Variants in DSCAM observed in about 807,000 individuals in gnomAD.
DSCAM encodes DS cell adhesion molecule.
In DSCAM, 47 loss-of-function variants were observed where a neutral mutation model predicts 217.7. The ratio of observed to expected loss-of-function variants is 0.22; its 90% confidence interval spans 0.17 to 0.28. DSCAM has a LOEUF of 0.28. DSCAM is among the 10% of genes least tolerant of loss of function. The pLI is 1.00. For missense variants in DSCAM, 2,080 were observed against 2,618.3 expected (o/e 0.79, Z 4.49); for synonymous variants, 1,056 against 1,015.3 (o/e 1.04, Z -0.76).
At chr21:40,569,099 G>A (rs1312329234) in intron 3 of DSCAM, among the ~76,000 whole-genome samples, 1 of 152,238 alleles carries the variant, frequency 6.6e-6, no homozygotes, top group Non-Finnish European at 1.5e-5. Context: ...ACTGGACACA[G>A]ACCTACCCAC....
chr21:40,641,499 T>A (rs577813340), intron 3 of DSCAM, among the ~76,000 whole-genome samples: 2 of 152,296 alleles, frequency 1.3e-5, no homozygotes, highest in South Asian at 4.2e-4. Context: ...GTTATTTGAG[T>A]GAAAACAAAC....
chr21:40,404,533 G>A (rs761168393), intron 3 of DSCAM, among the ~76,000 whole-genome samples: 6 of 152,206 alleles, frequency 3.9e-5, no homozygotes, highest in Non-Finnish European at 5.9e-5. Flanking sequence ...CCCTTAACAC[G>A]TCACAGATTT....
intron 8 of DSCAM, among the ~76,000 whole-genome samples, chr21:40,315,354 A>C (rs2123501414): frequency 6.6e-6 from 1 of 152,092 alleles, no homozygotes; most frequent in African/African-American, 2.4e-5. Context: ...CAGTGAGCCA[A>C]GGTCATGTCA....
chr21:40,645,528 A>G (rs1304638335), intron 3 of DSCAM, among the ~76,000 whole-genome samples: 4 of 152,106 alleles, frequency 2.6e-5, no homozygotes, highest in Non-Finnish European at 4.4e-5. Flanking sequence ...TTTAGTAGGC[A>G]TCCACTATTT....
intron 14 of DSCAM, among the ~76,000 whole-genome samples, chr21:40,182,421 C>A (rs566018046): frequency 1.3e-5 from 2 of 152,128 alleles, no homozygotes; most frequent in Non-Finnish European, 1.5e-5. Flanking sequence ...TGTGACAGAG[C>A]TTGCCATGGT....
At chr21:40,315,243 A>C (rs910701902) in intron 8 of DSCAM, among the ~76,000 whole-genome samples, 3 of 123,348 alleles carry the variant, frequency 2.4e-5, no homozygotes, top group African/African-American at 1.2e-4. Flanking sequence ...TACTAAAAAT[A>C]AAAAAAAAAA....
At chr21:40,191,170 C>G (rs2090949006) in intron 11 of DSCAM, among the ~76,000 whole-genome samples, 1 of 152,152 alleles carries the variant, frequency 6.6e-6, no homozygotes, top group African/African-American at 2.4e-5. Context: ...TTTCCCATGG[C>G]TTACTAGAGA....
At chr21:40,578,931 T>C (rs921688959) in intron 3 of DSCAM, among the ~76,000 whole-genome samples, 10 of 152,250 alleles carry the variant, frequency 6.6e-5, no homozygotes, top group South Asian at 4.1e-4. Context: ...TCCAGAAACA[T>C]AGTGTGGATG....
chr21:40,261,715 C>A (rs1169287476), intron 11 of DSCAM, among the ~76,000 whole-genome samples: 2 of 147,806 alleles, frequency 1.4e-5, no homozygotes. Flanking sequence ...ACATATATAC[C>A]AATATAAAGA....
intron 3 of DSCAM, among the ~76,000 whole-genome samples, chr21:40,410,059 G>T (rs2075309621): frequency 6.6e-6 from 1 of 151,904 alleles, no homozygotes; most frequent in Non-Finnish European, 1.5e-5. Context: ...AAATGAAACA[G>T]ATGATAAAAT....
At chr21:40,442,681 T>G (rs1462273267) in intron 3 of DSCAM, among the ~76,000 whole-genome samples, 1 of 151,950 alleles carries the variant, frequency 6.6e-6, no homozygotes, top group Non-Finnish European at 1.5e-5. Flanking sequence ...TCGGCAAATT[T>G]TTGTATTTTC....
At chr21:40,619,612 G>A (rs1370926654) in intron 3 of DSCAM, among the ~76,000 whole-genome samples, 1 of 152,158 alleles carries the variant, frequency 6.6e-6, no homozygotes, top group Non-Finnish European at 1.5e-5. Flanking sequence ...TCTGGCTTGA[G>A]TTGATTACTG....
At chr21:40,628,692 G>GCTATCTAT (rs60453786) in intron 3 of DSCAM, among the ~76,000 whole-genome samples, 14 of 149,770 alleles carry the variant, frequency 9.3e-5, no homozygotes, top group East Asian at 2.0e-4. Context: ...ATAAGCACTT[G>GCTATCTAT]CTATCTATCT....
chr21:40,497,886 G>T lies in DSCAM; in HGVS notation c.509-128641C>A, dbSNP rs553487332. Among the ~76,000 whole-genome samples, 23 of 152,300 alleles carry T rather than the reference G, an allele frequency of 1.5e-4. No homozygotes were observed. In the South Asian group the frequency reaches 4.8e-3, roughly 32 times the overall value. On this transcript the variant is annotated intron_variant, in intron 3 of 32. Coordinates refer to ENST00000400454, the MANE Select transcript of DSCAM (RefSeq NM_001389.5). ...TTCTAACTTGTATTTCCAGCTATGA[G>T]AACTGCTATGTTGGAATTGGTCAAA...
At chr21:40,107,419 T>C (rs1047894611) in intron 20 of DSCAM, among the ~76,000 whole-genome samples, 8 of 152,192 alleles carry the variant, frequency 5.3e-5, no homozygotes, top group African/African-American at 1.9e-4. Context: ...GTAAGTGTCA[T>C]GTAGCAATGA....
chr21:40,834,301 C>A (rs1390423523), intron 1 of DSCAM, among the ~76,000 whole-genome samples: 1 of 151,258 alleles, frequency 6.6e-6, no homozygotes, highest in Admixed American at 6.6e-5. Flanking sequence ...CAGCTACTCG[C>A]CAGGCTGAGG....
At chr21:40,548,321 C>T (rs909651219) in intron 3 of DSCAM, among the ~76,000 whole-genome samples, 13 of 152,066 alleles carry the variant, frequency 8.5e-5, no homozygotes, top group South Asian at 4.1e-4. Flanking sequence ...AATGAGCCAT[C>T]GACTCCTCCC....
At chr21:40,152,130 C>CAAA (rs201473877) in intron 16 of DSCAM, among the ~76,000 whole-genome samples, 2 of 147,050 alleles carry the variant, frequency 1.4e-5, no homozygotes, top group Non-Finnish European at 3.0e-5. Context: ...AAAAAAAACA[C>CAAA]AAAAAAAACA....
At chr21:40,126,877 GA>G (rs1297576639) in intron 19 of DSCAM, among the ~76,000 whole-genome samples, 1 of 152,204 alleles carries the variant, frequency 6.6e-6, no homozygotes, top group Non-Finnish European at 1.5e-5. Flanking sequence ...ATAAGTTGAA[GA>G]ACACGGCATT....
Sources: allele counts gnomAD v4.1 joint callset (sites outside exome capture counted in the v4.1 genomes callset), GRCh38; gene constraint gnomAD v4.1.1; transcripts MANE v1.5; gene names NCBI Gene and HGNC (gene_info 2026-07-23, HGNC 2026-07-21).